XKR9: variants seen among roughly 807,000 people sequenced by gnomAD.
XKR9 encodes XK-related protein 9.
In XKR9, 32 loss-of-function variants were observed where a neutral mutation model predicts 32.0. The observed-to-expected ratio is 1.00, with a 90% CI of 0.76 to 1.34. XKR9 has a LOEUF of 1.34. Ranked by LOEUF, XKR9 falls within the 40% of genes most tolerant of loss-of-function variation. The pLI is 0.00. For synonymous variants in XKR9, 168 were observed against 143.4 expected, an observed-to-expected ratio of 1.17 and a Z score of -1.22; for missense variants, 546 against 429.7, an observed-to-expected ratio of 1.27 and a Z score of -2.39.
At chr8:70,761,185 T>C (rs1204035916) in intron 2 of XKR9, among the ~76,000 whole-genome samples, 1 of 152,218 alleles carries the variant, frequency 6.6e-6, no homozygotes, top group Non-Finnish European at 1.5e-5. Context: ...CACATGCATG[T>C]GTCTTTATAG....
intron 4 of XKR9, among the ~76,000 whole-genome samples, chr8:70,708,979 G>A (rs1805816701): frequency 6.6e-6 from 1 of 151,854 alleles, no homozygotes; most frequent in Non-Finnish European, 1.5e-5. Context: ...CCAAAATCTG[G>A]CAGTGACACA....
chr8:70,913,607 C>T, the XKR9 span, among the ~76,000 whole-genome samples: 1 of 151,990 alleles, frequency 6.6e-6, no homozygotes, highest in African/African-American at 2.4e-5. Flanking sequence ...ATTTTAAATG[C>T]ATTTGTATTG....
At chr8:70,976,790 A>G in the XKR9 span, among the ~76,000 whole-genome samples, 1 of 152,214 alleles carries the variant, frequency 6.6e-6, no homozygotes, top group African/African-American at 2.4e-5. Flanking sequence ...TTCAGAAGGA[A>G]TGGGACCAGC....
At chr8:70,948,188 G>A in the XKR9 span, among the ~76,000 whole-genome samples, 4 of 151,054 alleles carry the variant, frequency 2.6e-5, no homozygotes, top group Admixed American at 6.6e-5. Context: ...AGCAAAAACC[G>A]TAACATGAAG....
At chr8:70,714,930 T>C (rs1267240050) in intron 4 of XKR9, among the ~76,000 whole-genome samples, 1 of 152,148 alleles carries the variant, frequency 6.6e-6, no homozygotes, top group Non-Finnish European at 1.5e-5. Flanking sequence ...AGGCATAGTT[T>C]GACAATGGCA....
intron 2 of XKR9, among the ~76,000 whole-genome samples, chr8:70,756,779 T>A (rs185564359): frequency 6.6e-6 from 1 of 152,336 alleles, no homozygotes; most frequent in East Asian, 1.9e-4. Context: ...ACATATAAGA[T>A]CATGTCATCT....
chr8:70,941,682 A>G, the XKR9 span, among the ~76,000 whole-genome samples: 5 of 152,278 alleles, frequency 3.3e-5, no homozygotes, highest in South Asian at 1.0e-3. Context: ...TAGATATAGA[A>G]GTGGCTGTAA....
the XKR9 span, among the ~76,000 whole-genome samples, chr8:70,910,074 T>C: frequency 6.6e-6 from 1 of 151,984 alleles, no homozygotes; most frequent in African/African-American, 2.4e-5. Flanking sequence ...AATAAATGCT[T>C]ATTAACCTGA....
intron 3 of XKR9, among the ~76,000 whole-genome samples, chr8:70,705,572 A>G (rs552651020): frequency 2.7e-4 from 41 of 152,264 alleles, no homozygotes; most frequent in African/African-American, 9.9e-4. Flanking sequence ...TGAGAAAAAC[A>G]GCAAGGAGGC....
the XKR9 span, among the ~76,000 whole-genome samples, chr8:71,038,736 A>G: frequency 7.9e-6 from 1 of 126,320 alleles, no homozygotes; most frequent in Non-Finnish European, 1.6e-5. Context: ...GTCCTAGCTC[A>G]TGTTCTCAAT....
chr8:70,896,484 TG>T, the XKR9 span, among the ~76,000 whole-genome samples: 1 of 152,000 alleles, frequency 6.6e-6, no homozygotes, highest in Non-Finnish European at 1.5e-5. Context: ...GACGGTCGTT[TG>T]TAGTATTATT....
the XKR9 span, among the ~76,000 whole-genome samples, chr8:70,830,339 G>C: frequency 7.2e-5 from 11 of 151,886 alleles, no homozygotes; most frequent in African/African-American, 2.7e-4. Flanking sequence ...TCAACATTTT[G>C]AGAAGCCAAG....
intron 2 of XKR9, among the ~76,000 whole-genome samples, chr8:70,783,875 AT>A (rs1193422134): frequency 6.6e-6 from 1 of 152,032 alleles, no homozygotes; most frequent in African/African-American, 2.4e-5. Flanking sequence ...TTTTGAGTTG[AT>A]TTTTGTATAT....
chr8:70,982,487 C>G, the XKR9 span, among the ~76,000 whole-genome samples: 1 of 152,088 alleles, frequency 6.6e-6, no homozygotes, highest in Non-Finnish European at 1.5e-5. Context: ...CAGTCATAAG[C>G]CTCTCCCTGC....
chr8:70,826,709 C>T, the XKR9 span, among the ~76,000 whole-genome samples: 1 of 152,074 alleles, frequency 6.6e-6, no homozygotes, highest in Non-Finnish European at 1.5e-5. Context: ...TATCCCTGTA[C>T]CATTCTCAAA....
chr8:70,809,540 C>T, the XKR9 span, among the ~76,000 whole-genome samples: 2 of 152,078 alleles, frequency 1.3e-5, no homozygotes, highest in Non-Finnish European at 2.9e-5. Context: ...AAGTTAAAAA[C>T]CTTGAAAAAA....
the XKR9 span, among the ~76,000 whole-genome samples, chr8:70,843,522 T>C: frequency 6.6e-6 from 1 of 152,048 alleles, no homozygotes. Flanking sequence ...AAGTGGATAA[T>C]CCCACTTCAA....
intron 2 of XKR9, among the ~76,000 whole-genome samples, chr8:70,746,200 T>C (rs1014267209): frequency 2.7e-5 from 4 of 150,286 alleles, no homozygotes; most frequent in African/African-American, 7.3e-5. Context: ...AAACAGCATA[T>C]AGTATATAAT....
chr8:71,004,138 C>G, the XKR9 span, among the ~76,000 whole-genome samples: 1 of 152,054 alleles, frequency 6.6e-6, no homozygotes, highest in Non-Finnish European at 1.5e-5. Context: ...CGTGGAGGAC[C>G]ATGTTGTGAA....
Sources: gnomAD v4.1 joint callset for allele counts (sites outside exome capture counted in the v4.1 genomes callset) on GRCh38, gnomAD v4.1.1 for gene constraint, MANE v1.5 for transcripts, NCBI Gene and HGNC (gene_info 2026-07-23, HGNC 2026-07-21) for gene names.